Variants in XPOT observed in about 807,000 individuals in gnomAD.
XPOT encodes the protein exportin-T.
Under a neutral mutation model 128.2 loss-of-function variants are expected in XPOT, and 34 were observed. That is an observed-to-expected ratio of 0.27 (90% CI 0.20 to 0.35). The LOEUF (loss-of-function observed/expected upper bound fraction) is 0.35, where lower values mean the gene tolerates loss of function less well. Among genes scored for constraint, XPOT ranks in the 10% least tolerant of loss-of-function variants. XPOT has a pLI of 1.00. For missense variants in XPOT, 838 were observed against 1,125.3 expected (o/e 0.74, Z 3.65); for synonymous variants, 348 against 394.3 (o/e 0.88, Z 1.39).
intron 3 of XPOT, among the ~76,000 whole-genome samples, chr12:64,415,282 G>A (rs1346692331): frequency 6.6e-6 from 1 of 151,952 alleles, no homozygotes; most frequent in Non-Finnish European, 1.5e-5. Context: ...TCTTATGATT[G>A]AGGGTGATAA....
intron 1 of XPOT, among the ~76,000 whole-genome samples, chr12:64,407,181 T>C (rs2039991625): frequency 6.6e-6 from 1 of 152,118 alleles, no homozygotes; most frequent in African/African-American, 2.4e-5. Context: ...GTCAAGACAG[T>C]CCTTGCCCTT....
At position 64,427,281 on chromosome 12, in the gene XPOT, G is replaced by A. The variant is rs954683847; in HGVS notation, c.1668-770G>A. Reference sequence around the variant, plus strand: ...ATTACAGGTGTCCATCGCCACACCCGGCTAATTTTTTGTATTTTTAGTAGA... The same window carrying A: ...ATTACAGGTGTCCATCGCCACACCCAGCTAATTTTTTGTATTTTTAGTAGA... On this transcript the variant is annotated intron_variant, in intron 15 of 24. Transcript: ENST00000332707. 5.9e-5 allele frequency among the ~76,000 whole-genome samples: 9 copies of A among 151,610 alleles called. No homozygotes were observed. The East Asian group carries it at 1.4e-3, about 23-fold the overall frequency.
At chr12:64,406,591 A>G (rs1231901345) in intron 1 of XPOT, among the ~76,000 whole-genome samples, 1 of 147,914 alleles carries the variant, frequency 6.8e-6, no homozygotes, top group East Asian at 2.0e-4. Flanking sequence ...CTGGTCTCGA[A>G]CTCCCGACCT....
At position 64,425,049 on chromosome 12, in the gene XPOT, C is replaced by G; in HGVS notation, c.1319C>G (p.Thr440Ser). The G allele has an allele frequency of 6.2e-7, 1 of 1,612,548 alleles. No individual in the cohort carries two copies. Among genetic ancestry groups the G allele is most frequent in the East Asian group, 2.2e-5 (1 of 44,866 alleles). The part of the protein sequence containing the change: ...VFSSTLQNWQ[T>S]TRFMEVEVAI... ...TTATACCTTGGTAGGAATTGGCAGA[C>G]TACACGGTTTATGGAAGTTGAAGTA... Residue 440 changes from threonine (T) to serine (S), a missense_variant, in exon 13 of 25, where the codon ACT becomes AGT. Thr to Ser is a moderately conservative substitution (Grantham distance 58, BLOSUM62 1). Transcript: ENST00000332707.
chr12:64,421,447 C>G lies in XPOT; in HGVS notation c.1056C>G (p.Tyr352Ter). 4 of 1,611,560 alleles carry G rather than the reference C, an allele frequency of 2.5e-6. No homozygotes were observed. Among genetic ancestry groups the G allele is most frequent in the East Asian group, 2.2e-5 (1 of 44,788 alleles). The change falls in exon 9 of 25, where the codon TAC (tyrosine) becomes TAG (stop). Residue 352 changes from tyrosine (Y) to a stop codon, truncating the protein, a stop_gained. Transcript: ENST00000332707. LOFTEE classifies it high-confidence loss of function. ...CTTCTAATATTATTGGATTTTGTTA[C>G]GATTATCTTCATATTTTGAAACAGG... ...DISSNIIGFC[Y>*]DYLHILKQLT...
At position 64,408,973 on chromosome 12, in the gene XPOT, G is replaced by A. The variant is rs767756847; in HGVS notation, c.-74-989G>A. On this transcript the variant is annotated intron_variant, in intron 1 of 24. Transcript: ENST00000332707. ...CCGGTGTGAGCCACTGTAGCTGGCT[G>A]GTTTGTGGGTTTTTGTATCTACTAT... Among the ~76,000 whole-genome samples, 58 of 151,844 alleles carry A rather than the reference G, an allele frequency of 3.8e-4. 1 individual carries two copies. The highest frequency in any genetic ancestry group is 7.4e-4 in the Non-Finnish European group (50 of 67,990).
chr12:64,404,417 G>C lies in XPOT; in HGVS notation c.-462G>C, dbSNP rs531598672. 6.6e-6 allele frequency: 1 copy of C among 151,960 alleles called. No homozygotes were observed. Among genetic ancestry groups the C allele is most frequent in the East Asian group, 1.9e-4 (1 of 5,146 alleles). 9.4% of individuals were successfully genotyped at this position (151,960 alleles called of 1,614,324 possible). ...ACTCTCCAAGAGACTGCTGGCGCCG[G>C]CGCCCGCCCGCGCGGCACCGACGCG... On this transcript the variant is annotated 5_prime_UTR_variant, in exon 1 of 25. Coordinates refer to ENST00000332707, the MANE Select transcript of XPOT (RefSeq NM_007235.6).
rs1386325343 is a variant in XPOT at position 64,421,476 on chromosome 12, GTT to G, written c.1080+9_1080+10del. The G allele has an allele frequency of 6.3e-7, 1 of 1,593,894 alleles. No homozygotes were observed. The highest frequency in any genetic ancestry group is 8.6e-7 in the Non-Finnish European group (1 of 1,162,320). On this transcript the variant is annotated splice_donor_region_variant and intron_variant, in intron 9 of 24. Coordinates refer to ENST00000332707, the MANE Select transcript of XPOT (RefSeq NM_007235.6). ...TATCTTCATATTTTGAAACAGGTAA[GTT>G]TTTGTTTTATTCTTTTTGCTCAATA...
chr12:64,415,224 C>T (rs1170940713), intron 3 of XPOT, among the ~76,000 whole-genome samples: 2 of 151,524 alleles, frequency 1.3e-5, no homozygotes, highest in Non-Finnish European at 2.9e-5. Flanking sequence ...ATATTGTGTA[C>T]CTGTCACCAG....
chr12:64,442,091 C>G (rs1249304095), intron 23 of XPOT, among the ~76,000 whole-genome samples: 2 of 151,860 alleles, frequency 1.3e-5, no homozygotes, highest in East Asian at 3.9e-4. Context: ...GGGGGGGGAC[C>G]CTTTTATTGC....
At position 64,425,904 on chromosome 12, in the gene XPOT, T is replaced by C; in HGVS notation, c.1662T>C (p.Ser554=). 1.2e-6 allele frequency: 2 copies of C among 1,613,660 alleles called. No individual in the cohort carries two copies. Among genetic ancestry groups the C allele is most frequent in the Non-Finnish European group, 1.7e-6 (2 of 1,179,546 alleles). ...ACCTGTTTTCTAGATTTGTCAAATC[T>C]CTCAAGTAAGTATAAAATTGCAGCT... ...TAYLFSRFVK[S]LNKQMNPFIE... Residue 554 remains serine (S), a synonymous_variant, in exon 15 of 25, where the codon TCT becomes TCC. Transcript: ENST00000332707.
rs1376434987 is a variant in XPOT, at chr12:64,450,172, T to C, written c.*2041T>C. The C allele has an allele frequency of 6.6e-6, 1 of 152,092 alleles. No individual in the cohort carries two copies. Among genetic ancestry groups the C allele is most frequent in the Admixed American group, 6.5e-5 (1 of 15,270 alleles). The allele number at this position is 152,092 out of a possible 1,614,324, so 9.4% of individuals were successfully genotyped here. On this transcript the variant is annotated 3_prime_UTR_variant, in exon 25 of 25. Transcript: ENST00000332707. Reference sequence around the variant, plus strand: ...ACTATACTTTTTTTTTCTTTTTTTTTTTTGAATAGAGATCAGTCTATCACC... The same window carrying C: ...ACTATACTTTTTTTTTCTTTTTTTTCTTTGAATAGAGATCAGTCTATCACC...
At position 64,449,948 on chromosome 12, in the gene XPOT, T is replaced by C. The variant is rs559455851; in HGVS notation, c.*1817T>C. The C allele has an allele frequency of 6.6e-6, 1 of 152,324 alleles. No homozygotes were observed. Among genetic ancestry groups the C allele is most frequent in the East Asian group, 1.9e-4 (1 of 5,172 alleles). The allele number at this position is 152,324 out of a possible 1,614,324, so 9.4% of individuals were successfully genotyped here. A position where few individuals can be genotyped will look rare whatever the true frequency, so the allele number is the denominator to read the frequency against. On this transcript the variant is annotated 3_prime_UTR_variant, in exon 25 of 25. Coordinates refer to ENST00000332707, the MANE Select transcript of XPOT (RefSeq NM_007235.6). The stretch of plus-strand genomic sequence containing the variant: ...TCTGCCAGTAACTGGTTTTAGAACC[T>C]TGGGCAAGTTAAAGAATGTCTCCCA...
At position 64,404,783 on chromosome 12, in the gene XPOT, G is replaced by T. The variant is rs1321662126; in HGVS notation, c.-96G>T. 9 of 152,368 alleles carry T rather than the reference G, an allele frequency of 5.9e-5. No individual in the cohort carries two copies. Among genetic ancestry groups the T allele is most frequent in the African/African-American group, 2.2e-4 (9 of 41,456 alleles). 9.4% of individuals were successfully genotyped at this position (152,368 alleles called of 1,614,324 possible). A position where few individuals can be genotyped will look rare whatever the true frequency, so the allele number is the denominator to read the frequency against. On this transcript the variant is annotated 5_prime_UTR_variant, in exon 1 of 25. Coordinates refer to ENST00000332707, the MANE Select transcript of XPOT (RefSeq NM_007235.6). The stretch of plus-strand genomic sequence containing the variant: ...GACCATCTGGAGTGCAGGCTGGGAG[G>T]CGGGATGGAGTGATAGGGAAGGTGA...
chr12:64,433,752 T>C (rs892731568), intron 19 of XPOT, 149 bp downstream of exon 19: 1 of 645,070 alleles, frequency 1.6e-6, no homozygotes, highest in African/African-American at 1.9e-5. Flanking sequence ...GGGTGGGAAT[T>C]GATCACTTTT....
chr12:64,424,853 C>A, intron 12 of XPOT, 130 bp downstream of exon 12: 1 of 1,363,320 alleles, frequency 7.3e-7, no homozygotes, highest in Non-Finnish European at 1.0e-6. Flanking sequence ...TCTCTGGAAA[C>A]AATGCACTTG....
chr12:64,445,951 A>C (rs888481538), intron 24 of XPOT, among the ~76,000 whole-genome samples: 1 of 152,238 alleles, frequency 6.6e-6, no homozygotes, highest in South Asian at 2.1e-4. Flanking sequence ...TAAATAATTT[A>C]AGTGTGCCAT....
intron 2 of XPOT, 43 bp from the exon 3 acceptor site, chr12:64,414,864 A>T (rs777498205): frequency 8.1e-6 from 10 of 1,238,702 alleles, no homozygotes; most frequent in Non-Finnish European, 1.2e-5. Context: ...GGGCATTGAG[A>T]TTGTTTATTC....
At chr12:64,410,968 T>C (rs1264332912) in intron 2 of XPOT, among the ~76,000 whole-genome samples, 1 of 152,184 alleles carries the variant, frequency 6.6e-6, no homozygotes, top group Non-Finnish European at 1.5e-5. Flanking sequence ...ACAATCTCAC[T>C]AAAAATTATA....
Sources: allele counts gnomAD v4.1 joint callset (sites outside exome capture counted in the v4.1 genomes callset), GRCh38; gene constraint gnomAD v4.1.1; transcripts MANE v1.5; gene names NCBI Gene and HGNC (gene_info 2026-07-23, HGNC 2026-07-21).